Variants in MAPKAP1 observed in about 807,000 individuals in gnomAD.
MAPKAP1 encodes the protein target of rapamycin complex 2 subunit MAPKAP1.
MAPKAP1 carries 20 observed loss-of-function variants against 65.7 expected under a neutral mutation model. The observed-to-expected ratio is 0.30, with a 90% confidence interval of 0.21 to 0.44. The LOEUF (loss-of-function observed/expected upper bound fraction) is 0.44, where lower values mean the gene tolerates loss of function less well. MAPKAP1 is among the 20% of genes least tolerant of loss of function. MAPKAP1 has a pLI of 1.00. For synonymous variants in MAPKAP1, 222 were observed against 244.3 expected, an observed-to-expected ratio of 0.91 and a Z score of 0.85; for missense variants, 423 against 648.0, an observed-to-expected ratio of 0.65 and a Z score of 3.77.
chr9:125,590,419 G>C (rs540035750), intron 4 of MAPKAP1, among the ~76,000 whole-genome samples: 1 of 152,120 alleles, frequency 6.6e-6, no homozygotes, highest in Non-Finnish European at 1.5e-5. Context: ...GGAGGAAAAG[G>C]TGGGTGGATC....
chr9:125,618,854 G>C (rs925461707), intron 4 of MAPKAP1, among the ~76,000 whole-genome samples: 1 of 152,180 alleles, frequency 6.6e-6, no homozygotes, highest in Non-Finnish European at 1.5e-5. Context: ...GTCTTAGGCT[G>C]GGCATGGTGG....
chr9:125,465,831 G>A (rs1386495856), intron 10 of MAPKAP1, among the ~76,000 whole-genome samples: 1 of 152,208 alleles, frequency 6.6e-6, no homozygotes, highest in Non-Finnish European at 1.5e-5. Flanking sequence ...GCCTGACACT[G>A]GAGCTGGGTC....
intron 7 of MAPKAP1, among the ~76,000 whole-genome samples, chr9:125,533,984 T>C (rs1400082970): frequency 6.6e-6 from 1 of 152,222 alleles, no homozygotes; most frequent in East Asian, 1.9e-4. Context: ...CACTCTAATA[T>C]AGAATAATGC....
chr9:125,706,606 G>A (rs1835767584), intron 1 of MAPKAP1, among the ~76,000 whole-genome samples: 1 of 151,996 alleles, frequency 6.6e-6, no homozygotes, highest in Non-Finnish European at 1.5e-5. Flanking sequence ...GGGGAGAAGG[G>A]ACGCAAGGAA....
Position 125,549,677 on chromosome 9 carries a change from A to G in MAPKAP1, c.849-6509T>C, listed in dbSNP as rs545550135. 5.9e-5 allele frequency among the ~76,000 whole-genome samples: 9 copies of G among 152,288 alleles called. No individual in the cohort carries two copies. In the East Asian group the frequency reaches 1.4e-3, roughly 23 times the overall value. On this transcript the variant is annotated intron_variant, in intron 6 of 11. Transcript: ENST00000265960. Reference sequence around the variant, plus strand: ...ACTGCCCTCCGCCTTCTCCTTGTGTATCTTTGCCAGAGTCCTTGGGACTTG... The same window carrying G: ...ACTGCCCTCCGCCTTCTCCTTGTGTGTCTTTGCCAGAGTCCTTGGGACTTG...
At chr9:125,448,352 C>A (rs78379085) in intron 10 of MAPKAP1, among the ~76,000 whole-genome samples, 82 of 152,332 alleles carry the variant, frequency 5.4e-4, no homozygotes, top group African/African-American at 1.9e-3. Flanking sequence ...TGACCTCTTG[C>A]TGGAAATGAA....
chr9:125,474,573 G>A (rs918363509), intron 9 of MAPKAP1, among the ~76,000 whole-genome samples: 2 of 152,158 alleles, frequency 1.3e-5, no homozygotes, highest in African/African-American at 4.8e-5. Context: ...TCAAGTCCAG[G>A]TCTAGCTGCC....
intron 7 of MAPKAP1, chr9:125,521,482 ACAGT>A (rs1158539349): frequency 2.4e-6 from 3 of 1,247,904 alleles, no homozygotes; most frequent in East Asian, 3.5e-5. Flanking sequence ...GTGGAAATAA[ACAGT>A]CATTTATTTT....
rs1852399574 is a variant in MAPKAP1, at chr9:125,439,397, T to C, written c.1444-385A>G. On this transcript the variant is annotated intron_variant, in intron 11 of 11. Coordinates refer to ENST00000265960, the MANE Select transcript of MAPKAP1 (RefSeq NM_001006617.3). The surrounding 1 kb of genome is among the most constrained non-coding windows in gnomAD (Gnocchi z 4.0). The stretch of plus-strand genomic sequence containing the variant: ...GCACATAACCTCTCTGAGCCTGCCT[T>C]TCCCTGTGTGAAGGCCGAGAACACA... 6.6e-6 allele frequency among the ~76,000 whole-genome samples: 1 copy of C among 152,212 alleles called. No homozygotes were observed. The highest frequency in any genetic ancestry group is 1.5e-5 in the Non-Finnish European group (1 of 68,034).
intron 9 of MAPKAP1, among the ~76,000 whole-genome samples, chr9:125,475,472 C>G (rs917602855): frequency 1.3e-5 from 2 of 152,220 alleles, no homozygotes; most frequent in African/African-American, 4.8e-5. Flanking sequence ...TTGGGAACCA[C>G]AGCTAAAAGC....
chr9:125,458,631 G>C (rs989677944), intron 10 of MAPKAP1, among the ~76,000 whole-genome samples: 7 of 151,174 alleles, frequency 4.6e-5, no homozygotes, highest in Non-Finnish European at 7.4e-5. Flanking sequence ...TACACAGACA[G>C]GGCAACCATC....
intron 7 of MAPKAP1, 26 bp downstream of exon 7, chr9:125,543,033 G>T: frequency 1.4e-6 from 2 of 1,449,482 alleles, no homozygotes; most frequent in Non-Finnish European, 1.9e-6. Flanking sequence ...TTCTACTACT[G>T]TGAGAATATG....
At chr9:125,647,934 CTTT>C (rs59735781) in intron 4 of MAPKAP1, among the ~76,000 whole-genome samples, 70 of 140,570 alleles carry the variant, frequency 5.0e-4, no homozygotes, top group Admixed American at 5.6e-4. Context: ...GTCCCAATAT[CTTT>C]TTTTTTTTTT....
intron 1 of MAPKAP1, among the ~76,000 whole-genome samples, chr9:125,703,873 C>A (rs1185382821): frequency 6.6e-6 from 1 of 151,708 alleles, no homozygotes; most frequent in South Asian, 2.1e-4. Flanking sequence ...ATCAGAATAA[C>A]AGATTGCCAG....
chr9:125,466,273 C>T (rs1198716714), intron 10 of MAPKAP1, among the ~76,000 whole-genome samples: 1 of 152,118 alleles, frequency 6.6e-6, no homozygotes, highest in African/African-American at 2.4e-5. Context: ...CTTCCCCCAC[C>T]ACCCACCCCG....
At chr9:125,607,265 T>TA (rs1832465117) in intron 4 of MAPKAP1, among the ~76,000 whole-genome samples, 1 of 152,076 alleles carries the variant, frequency 6.6e-6, no homozygotes, top group Admixed American at 6.6e-5. Context: ...GCTGGAGAAA[T>TA]AACTGAGAAT....
chr9:125,494,105 A>G (rs191392592), intron 8 of MAPKAP1, among the ~76,000 whole-genome samples: 1 of 152,342 alleles, frequency 6.6e-6, no homozygotes, highest in African/African-American at 2.4e-5. Flanking sequence ...AGCTGGATGC[A>G]TAAGTGAGTC....
intron 4 of MAPKAP1, among the ~76,000 whole-genome samples, chr9:125,627,384 A>G (rs1212170633): frequency 1.3e-5 from 2 of 152,222 alleles, no homozygotes; most frequent in African/African-American, 4.8e-5. Context: ...CAATGTTAAA[A>G]TATTTTTTAA....
At position 125,506,344 on chromosome 9, in the gene MAPKAP1, C is replaced by T. The variant is rs759207028; in HGVS notation, c.1032G>A (p.Gln344=). Residue 344 remains glutamine (Q), a synonymous_variant, in exon 8 of 12, where the codon CAG becomes CAA. Transcript: ENST00000265960. ...AVDLDSTLES[Q]SAWEFCLVRE... ...GGACCAGGCAGAACTCCCATGCGCT[C>T]TGGCTCTCCAAAGTGCTGTCCAGGT... 1 of 1,614,134 alleles carries T rather than the reference C, an allele frequency of 6.2e-7. No individual in the cohort carries two copies. The highest frequency in any genetic ancestry group is 8.5e-7 in the Non-Finnish European group (1 of 1,180,028).
Sources: gnomAD v4.1 joint callset for allele counts (sites outside exome capture counted in the v4.1 genomes callset) on GRCh38, gnomAD v4.1.1 for gene constraint, Gnocchi (gnomAD v3.1) non-coding constraint, MANE v1.5 for transcripts, NCBI Gene and HGNC (gene_info 2026-07-23, HGNC 2026-07-21) for gene names.